Variants in LPP observed in about 807,000 individuals in gnomAD.
LPP encodes lipoma-preferred partner.
LPP carries 38 observed loss-of-function variants against 60.4 expected under a neutral mutation model. That is an observed-to-expected ratio of 0.63 (90% CI 0.49 to 0.83). The LOEUF (loss-of-function observed/expected upper bound fraction) is 0.83, where lower values mean the gene tolerates loss of function less well. LPP is among the 40% of genes least tolerant of loss of function. The pLI, the probability that LPP is intolerant of heterozygous loss-of-function variation, is 0.00. For missense variants in LPP, 902 were observed against 783.6 expected (o/e 1.15, Z -1.80); for synonymous variants, 328 against 290.8 (o/e 1.13, Z -1.30).
intron 4 of LPP, among the ~76,000 whole-genome samples, chr3:188,480,296 T>G (rs1334907937): frequency 7.2e-5 from 11 of 152,232 alleles, no homozygotes; most frequent in Non-Finnish European, 7.3e-5. Flanking sequence ...TTTAACTGTT[T>G]CTTGCTGCTA....
chr3:188,855,351 CT>C (rs1448478023), intron 9 of LPP, among the ~76,000 whole-genome samples: 1 of 152,200 alleles, frequency 6.6e-6, no homozygotes, highest in Non-Finnish European at 1.5e-5. Flanking sequence ...GCAGTAGTGT[CT>C]TGAACAAACT....
chr3:188,716,166 G>T (rs1577167476), intron 8 of LPP, among the ~76,000 whole-genome samples: 1 of 152,146 alleles, frequency 6.6e-6, no homozygotes, highest in East Asian at 1.9e-4. Flanking sequence ...GAGAATTTTT[G>T]CAGAAAACCA....
At chr3:188,785,381 TC>T (rs1244309254) in intron 9 of LPP, among the ~76,000 whole-genome samples, 2 of 4,052 alleles carry the variant, frequency 4.9e-4, no homozygotes, top group African/African-American at 2.2e-3. Context: ...ATATATATAT[TC>T]CATCATATAT....
chr3:188,722,051 T>C (rs925739608), intron 8 of LPP, among the ~76,000 whole-genome samples: 1 of 152,144 alleles, frequency 6.6e-6, no homozygotes, highest in Non-Finnish European at 1.5e-5. Context: ...GCCTCAGAGT[T>C]CTGGAGAATT....
intron 2 of LPP, chr3:188,240,173 T>A (rs1443081386): frequency 1.1e-5 from 2 of 184,290 alleles, no homozygotes; most frequent in Non-Finnish European, 2.3e-5. Context: ...GTGGGGTTTA[T>A]GTGTAAATGA....
intron 4 of LPP, among the ~76,000 whole-genome samples, chr3:188,418,292 T>C (rs1452700833): frequency 6.6e-6 from 1 of 152,192 alleles, no homozygotes; most frequent in Non-Finnish European, 1.5e-5. Flanking sequence ...TTATTACAAT[T>C]ACTAAAACAA....
At chr3:188,758,418 C>T (rs1383730175) in intron 8 of LPP, among the ~76,000 whole-genome samples, 1 of 152,132 alleles carries the variant, frequency 6.6e-6, no homozygotes, top group East Asian at 1.9e-4. Context: ...ACCTCGGCCT[C>T]CCAAAGTGCT....
intron 1 of LPP, among the ~76,000 whole-genome samples, chr3:188,192,886 G>A (rs949869701): frequency 1.3e-5 from 2 of 152,248 alleles, no homozygotes; most frequent in African/African-American, 4.8e-5. Flanking sequence ...GCTCCGGAAA[G>A]ACGAGGCCTC....
Position 188,624,162 on chromosome 3 carries a change from C to T in LPP, c.1113+14318C>T, listed in dbSNP as rs1846333575. ...GCAAAACTAAAAATGACCTGTTTTT[C>T]AAGAGCAATGTCTTTTCACCCAAAC... On this transcript the variant is annotated intron_variant, in intron 7 of 11. Transcript: ENST00000617246. 1.3e-5 allele frequency among the ~76,000 whole-genome samples: 2 copies of T among 152,158 alleles called. 1 individual carries two copies. Among genetic ancestry groups the T allele is most frequent in the South Asian group, 4.1e-4 (2 of 4,834 alleles).
intron 5 of LPP, among the ~76,000 whole-genome samples, chr3:188,492,859 C>G (rs1346099578): frequency 6.6e-6 from 1 of 152,216 alleles, no homozygotes; most frequent in Non-Finnish European, 1.5e-5. Flanking sequence ...CTTCCCTGCT[C>G]CATCCCACAT....
intron 9 of LPP, among the ~76,000 whole-genome samples, chr3:188,825,269 C>G (rs4473542): frequency 0.011 from 1,152 of 101,730 alleles, 31 homozygotes; most frequent in African/African-American, 0.039. Flanking sequence ...CTCTCTCTCT[C>G]TGTGTGTGTG....
chr3:188,630,581 A>G (rs886691160), intron 7 of LPP, among the ~76,000 whole-genome samples: 1 of 152,222 alleles, frequency 6.6e-6, no homozygotes, highest in Non-Finnish European at 1.5e-5. Context: ...AATGTAAACT[A>G]GAACTACCAT....
chr3:188,539,756 G>T (rs1824635410), intron 6 of LPP, among the ~76,000 whole-genome samples: 1 of 152,128 alleles, frequency 6.6e-6, no homozygotes, highest in Non-Finnish European at 1.5e-5. Flanking sequence ...ATTACTGTTG[G>T]TCTCACCACC....
chr3:188,381,275 A>T (rs1159195557), intron 3 of LPP, among the ~76,000 whole-genome samples: 1 of 152,170 alleles, frequency 6.6e-6, no homozygotes, highest in African/African-American at 2.4e-5. Flanking sequence ...TACTTCTGCT[A>T]TTGATTTTCA....
rs1268308416 is a variant in LPP, at chr3:188,708,280, G to C, written c.1127G>C (p.Gly376Ala). Residue 376 changes from glycine to alanine, a missense_variant, in exon 8 of 12, where the codon GGG becomes GCG. Coordinates refer to ENST00000617246, the MANE Select transcript of LPP (RefSeq NM_001375462.1). ...TCTGCCTTTCAGGGTGGCCATTCAG[G>C]GCAACTGGGGCCTTCGTCAGTTGCC... ...PPLQPKGGHSGQLGPSSVAPS... is the reference protein window; with the variant it reads ...PPLQPKGGHSAQLGPSSVAPS... 1 of 1,614,058 alleles carries C rather than the reference G, an allele frequency of 6.2e-7. No individual in the cohort carries two copies. Among genetic ancestry groups the C allele is most frequent in the South Asian group, 1.1e-5 (1 of 91,072 alleles).
intron 7 of LPP, among the ~76,000 whole-genome samples, chr3:188,612,502 G>C (rs1464195310): frequency 1.3e-5 from 2 of 152,110 alleles, no homozygotes; most frequent in South Asian, 4.1e-4. Context: ...CTTCCAGTTT[G>C]AGGAAAACCT....
At chr3:188,701,231 C>A (rs1864337340) in intron 7 of LPP, among the ~76,000 whole-genome samples, 2 of 151,910 alleles carry the variant, frequency 1.3e-5, no homozygotes, top group African/African-American at 4.8e-5. Flanking sequence ...CTGCATAGTC[C>A]CACCCATAAT....
chr3:188,582,154 CT>C (rs10565240), intron 6 of LPP, among the ~76,000 whole-genome samples: 18,731 of 101,872 alleles, frequency 0.18, 1,406 homozygotes, highest in South Asian at 0.25. Flanking sequence ...TTTTCTTTTT[CT>C]TTTTTTTTTT....
intron 8 of LPP, among the ~76,000 whole-genome samples, chr3:188,759,716 A>G (rs1333579650): frequency 6.6e-6 from 1 of 151,918 alleles, no homozygotes; most frequent in Non-Finnish European, 1.5e-5. Flanking sequence ...AATCTCCAAG[A>G]AGAAAGACTC....
Sources: gnomAD v4.1 joint callset for allele counts (sites outside exome capture counted in the v4.1 genomes callset) on GRCh38, gnomAD v4.1.1 for gene constraint, MANE v1.5 for transcripts, NCBI Gene and HGNC (gene_info 2026-07-23, HGNC 2026-07-21) for gene names.